The following PHYHIPL variants were observed in gnomAD, a reference collection of about 807,000 sequenced individuals.
PHYHIPL encodes phytanoyl-CoA 2-hydroxylase interacting protein like, also known as phytanoyl-CoA hydroxylase-interacting protein-like.
In PHYHIPL, 9 loss-of-function variants were observed where a neutral mutation model predicts 33.4. The observed-to-expected ratio is 0.27, with a 90% CI of 0.16 to 0.47. The LOEUF (loss-of-function observed/expected upper bound fraction) is 0.47. PHYHIPL is among the 20% of genes least tolerant of loss of function. The probability of loss-of-function intolerance (pLI) is 0.99; values close to 1 mark genes in which losing one functional copy is unlikely to be tolerated. For missense variants in PHYHIPL, 365 were observed against 460.7 expected, an observed-to-expected ratio of 0.79 and a Z score of 1.90; for synonymous variants, 153 against 154.1, an observed-to-expected ratio of 0.99 and a Z score of 0.05.
chr10:59,203,224 C>T (rs1589271420), intron 1 of PHYHIPL, among the ~76,000 whole-genome samples: 1 of 152,288 alleles, frequency 6.6e-6, no homozygotes, highest in African/African-American at 2.4e-5. Flanking sequence ...GAGATACCAT[C>T]TCACACCAGT....
chr10:59,244,517 T>G (rs1047444794), intron 4 of PHYHIPL, among the ~76,000 whole-genome samples: 2 of 122,816 alleles, frequency 1.6e-5, no homozygotes, highest in Non-Finnish European at 3.2e-5. Flanking sequence ...TGAGCCAAGA[T>G]CGTGCCACTG....
chr10:59,187,611 G>A (rs1413868458), intron 1 of PHYHIPL, among the ~76,000 whole-genome samples: 1 of 151,990 alleles, frequency 6.6e-6, no homozygotes, highest in African/African-American at 2.4e-5. Context: ...TTTTTTGGTT[G>A]GTAAGCTATT....
intron 1 of PHYHIPL, among the ~76,000 whole-genome samples, chr10:59,190,819 T>A (rs2133199121): frequency 6.6e-6 from 1 of 151,976 alleles, no homozygotes; most frequent in Non-Finnish European, 1.5e-5. Flanking sequence ...CCAGCTAAGT[T>A]TGGTATGAAA....
intron 1 of PHYHIPL, among the ~76,000 whole-genome samples, chr10:59,182,491 C>T (rs1049894193): frequency 2.8e-4 from 42 of 151,968 alleles, no homozygotes; most frequent in Admixed American, 2.4e-3. Flanking sequence ...TACAGGCACC[C>T]GCCACCACAC....
chr10:59,190,046 A>G (rs577941088), intron 1 of PHYHIPL, among the ~76,000 whole-genome samples: 10 of 152,124 alleles, frequency 6.6e-5, no homozygotes, highest in African/African-American at 2.4e-4. Flanking sequence ...TTGTTTTATT[A>G]TATAACATTG....
chr10:59,182,277 TATTA>T (rs1445836497), intron 1 of PHYHIPL, among the ~76,000 whole-genome samples: 1 of 152,214 alleles, frequency 6.6e-6, no homozygotes, highest in Non-Finnish European at 1.5e-5. Context: ...TTTTATCCTT[TATTA>T]ATTAAATTCT....
In PHYHIPL at chr10:59,193,825, C is replaced by G. The variant is rs1010339309; in HGVS notation, c.106+16866C>G. Among the ~76,000 whole-genome samples the G allele has an allele frequency of 3.9e-5, 6 of 152,092 alleles. No homozygotes were observed. The East Asian group carries it at 7.7e-4, about 20-fold the overall frequency. ...TGTGGTGCTTGTTAGCTTGATACAA[C>G]TTTTTTGGCTGTTATTTTTGGTGAT... On this transcript the variant is annotated intron_variant, in intron 1 of 4. Transcript: ENST00000373880.
chr10:59,203,468 G>A (rs1013053212), intron 1 of PHYHIPL, among the ~76,000 whole-genome samples: 13 of 152,096 alleles, frequency 8.5e-5, no homozygotes, highest in South Asian at 4.1e-4. Context: ...ACACGCACAC[G>A]TATGTTTATT....
intron 1 of PHYHIPL, among the ~76,000 whole-genome samples, chr10:59,199,533 A>G (rs1302203834): frequency 2.0e-5 from 3 of 152,152 alleles, no homozygotes; most frequent in Non-Finnish European, 4.4e-5. Flanking sequence ...TGTCTTGGCA[A>G]TGAGGGCTCT....
In PHYHIPL at chr10:59,246,439, A is replaced by G. The variant is rs905491633; in HGVS notation, c.*848A>G. 13 of 370,640 alleles carry G rather than the reference A, an allele frequency of 3.5e-5. No homozygotes were observed. The highest frequency in any genetic ancestry group is 6.9e-4 in the Middle Eastern group (1 of 1,452). 23.0% of individuals were successfully genotyped at this position (370,640 alleles called of 1,614,324 possible). On this transcript the variant is annotated 3_prime_UTR_variant, in exon 5 of 5. Coordinates refer to ENST00000373880, the MANE Select transcript of PHYHIPL (RefSeq NM_032439.4). ...GAAATAGTCAATAGTCTTCCCATCC[A>G]AACTATAAGAGAATGTGAATTTCTT...
intron 1 of PHYHIPL, among the ~76,000 whole-genome samples, chr10:59,228,834 G>A (rs931504230): frequency 6.6e-6 from 1 of 151,998 alleles, no homozygotes; most frequent in South Asian, 2.1e-4. Context: ...TCTTTATTTC[G>A]ATGGAGTCAT....
chr10:59,226,014 T>C (rs1839912891), intron 1 of PHYHIPL, among the ~76,000 whole-genome samples: 1 of 152,132 alleles, frequency 6.6e-6, no homozygotes. Context: ...TCTGTGTTTT[T>C]TTAACAGTAA....
intron 1 of PHYHIPL, among the ~76,000 whole-genome samples, chr10:59,214,109 A>G (rs902307346): frequency 1.1e-4 from 17 of 152,182 alleles, no homozygotes; most frequent in African/African-American, 3.9e-4. Flanking sequence ...ATTGAAATTG[A>G]TAAATGAATT....
At chr10:59,199,399 C>T (rs541564703) in intron 1 of PHYHIPL, among the ~76,000 whole-genome samples, 42 of 152,246 alleles carry the variant, frequency 2.8e-4, no homozygotes, top group African/African-American at 9.9e-4. Flanking sequence ...GGCCTCTGTT[C>T]TGTTCCATTG....
chr10:59,204,584 T>A (rs1435533767), intron 1 of PHYHIPL, among the ~76,000 whole-genome samples: 1 of 152,194 alleles, frequency 6.6e-6, no homozygotes, highest in Non-Finnish European at 1.5e-5. Flanking sequence ...AGGACCAGAT[T>A]CTCAGTTTAT....
Position 59,245,511 on chromosome 10 carries a change from CAT to C in PHYHIPL, c.1052_1053del (p.His351ProfsTer20). ...SVGTVAEITG[H>X]QLMSLSTANA... The stretch of plus-strand genomic sequence containing the variant: ...GGGCACCGTGGCAGAAATCACTGGT[CAT>C]CAGCTCATGAGTTTGTCTACTGCAA... On this transcript the variant is annotated frameshift_variant, in exon 5 of 5. Transcript: ENST00000373880. LOFTEE classifies it high-confidence loss of function. 6.2e-7 allele frequency: 1 copy of C among 1,614,114 alleles called. No individual in the cohort carries two copies. Among genetic ancestry groups the C allele is most frequent in the Non-Finnish European group, 8.5e-7 (1 of 1,179,988 alleles).
At position 59,247,709 on chromosome 10, in the gene PHYHIPL, T is replaced by C. The variant is rs1346067606; in HGVS notation, c.*2118T>C. The C allele has an allele frequency of 6.2e-7, 1 of 1,613,040 alleles. No individual in the cohort carries two copies. Among genetic ancestry groups the C allele is most frequent in the Admixed American group, 1.7e-5 (1 of 59,972 alleles). On this transcript the variant is annotated 3_prime_UTR_variant, in exon 5 of 5. Coordinates refer to ENST00000373880, the MANE Select transcript of PHYHIPL (RefSeq NM_032439.4). ...TTATATTCATAATACTCATCTGCCATTGGTATCCTATCTTCCTTTTGTGGA... is the reference window on the plus strand; with the variant it reads ...TTATATTCATAATACTCATCTGCCACTGGTATCCTATCTTCCTTTTGTGGA...
At chr10:59,189,984 G>A (rs553526900) in intron 1 of PHYHIPL, among the ~76,000 whole-genome samples, 7 of 152,028 alleles carry the variant, frequency 4.6e-5, no homozygotes, top group African/African-American at 1.7e-4. Flanking sequence ...CCATGATTAG[G>A]ATTTTGGATT....
intron 1 of PHYHIPL, among the ~76,000 whole-genome samples, chr10:59,182,961 AT>A (rs1838451300): frequency 6.6e-6 from 1 of 152,136 alleles, no homozygotes; most frequent in Non-Finnish European, 1.5e-5. Flanking sequence ...GATGACATTA[AT>A]TTTTTACATC....
Sources: allele counts gnomAD v4.1 joint callset (sites outside exome capture counted in the v4.1 genomes callset), GRCh38; gene constraint gnomAD v4.1.1; transcripts MANE v1.5; gene names NCBI Gene and HGNC (gene_info 2026-07-23, HGNC 2026-07-21).